Variants in OR2L13 observed in about 807,000 individuals in gnomAD.
OR2L13 encodes olfactory receptor family 2 subfamily L member 13.
OR2L13 carries 14 observed loss-of-function variants against 15.3 expected under a neutral mutation model. That is an observed-to-expected ratio of 0.91 (90% CI 0.60 to 1.43). The LOEUF (loss-of-function observed/expected upper bound fraction) is 1.43, where lower values mean the gene tolerates loss of function less well. Among genes scored for constraint, OR2L13 ranks in the 40% most tolerant of loss-of-function variants. The pLI, the probability that OR2L13 is intolerant of heterozygous loss-of-function variation, is 0.00. For missense variants in OR2L13, 367 were observed against 387.9 expected, an observed-to-expected ratio of 0.95 and a Z score of 0.45; for synonymous variants, 152 against 142.9, an observed-to-expected ratio of 1.06 and a Z score of -0.45.
chr1:248,039,208 C>T, the OR2L13 span: 16 of 1,601,362 alleles, frequency 1.0e-5, no homozygotes, highest in Non-Finnish European at 1.4e-5. Context: ...AAAATGTAGA[C>T]ATACGTTCTG....
chr1:247,976,141 G>A, the OR2L13 span, among the ~76,000 whole-genome samples: 1 of 152,110 alleles, frequency 6.6e-6, no homozygotes, highest in East Asian at 1.9e-4. Context: ...TATTTTTGGG[G>A]ATAAGCCAAT....
chr1:247,949,110 C>T, the OR2L13 span: 1 of 1,613,994 alleles, frequency 6.2e-7, no homozygotes, highest in Non-Finnish European at 8.5e-7. Flanking sequence ...ATCTGATTTT[C>T]TGCATGGAAA....
chr1:248,095,513 G>C (rs1664711698), upstream of OR2L13, among the ~76,000 whole-genome samples: 3 of 151,402 alleles, frequency 2.0e-5, no homozygotes, highest in Admixed American at 2.0e-4. Context: ...GTTATTGATA[G>C]CCTGATATAC....
chr1:248,031,200 A>C, the OR2L13 span, among the ~76,000 whole-genome samples: 1 of 152,232 alleles, frequency 6.6e-6, no homozygotes, highest in Non-Finnish European at 1.5e-5. Flanking sequence ...AAACAGATAT[A>C]TAATGGCTGA....
the OR2L13 span, among the ~76,000 whole-genome samples, chr1:247,963,340 A>G: frequency 6.6e-6 from 1 of 152,070 alleles, no homozygotes; most frequent in African/African-American, 2.4e-5. Flanking sequence ...TGCTGGTGGG[A>G]GTTTCCTTTG....
At chr1:247,989,466 T>A in the OR2L13 span, among the ~76,000 whole-genome samples, 2 of 152,198 alleles carry the variant, frequency 1.3e-5, no homozygotes, top group Admixed American at 1.3e-4. Context: ...CTTGATGACA[T>A]CTGAGTTTGT....
the OR2L13 span, among the ~76,000 whole-genome samples, chr1:248,057,164 C>A: frequency 6.6e-6 from 1 of 152,134 alleles, no homozygotes; most frequent in Non-Finnish European, 1.5e-5. Context: ...TCCACATGAT[C>A]TAGAGCTGAG....
the OR2L13 span, among the ~76,000 whole-genome samples, chr1:248,054,382 G>A: frequency 7.2e-5 from 11 of 151,986 alleles, no homozygotes; most frequent in African/African-American, 1.4e-4. Context: ...GTTTGCAGTC[G>A]GGTAGCCTGA....
chr1:248,085,436 T>TAAAATAAAATAAAATAAAATAA, the OR2L13 span, among the ~76,000 whole-genome samples: 4,223 of 84,418 alleles, frequency 0.05, 687 homozygotes, highest in Middle Eastern at 0.093. Flanking sequence ...TAAAATAAAA[T>TAAAATAAAATAAAATAAAATAA]AATAAAATAA....
chr1:248,013,854 T>G, the OR2L13 span: 1 of 152,164 alleles, frequency 6.6e-6, no homozygotes, highest in Non-Finnish European at 1.5e-5. Flanking sequence ...GCACTAGTAA[T>G]TGTACTTTCT....
At chr1:248,017,091 T>C in the OR2L13 span, among the ~76,000 whole-genome samples, 1 of 152,214 alleles carries the variant, frequency 6.6e-6, no homozygotes, top group Non-Finnish European at 1.5e-5. Context: ...ATCGGAATCT[T>C]TTCTCCTTGC....
At chr1:248,078,841 A>T in the OR2L13 span, among the ~76,000 whole-genome samples, 2 of 150,862 alleles carry the variant, frequency 1.3e-5, no homozygotes, top group Non-Finnish European at 2.9e-5. Flanking sequence ...GCTCAAGGGC[A>T]TTGTACTTTG....
At chr1:247,980,870 A>AT in the OR2L13 span, 1 of 152,196 alleles carries the variant, frequency 6.6e-6, no homozygotes, top group Non-Finnish European at 1.5e-5. Flanking sequence ...TGTTCATATG[A>AT]TGCCTGTACG....
chr1:248,061,388 C>G, the OR2L13 span: 4 of 1,614,098 alleles, frequency 2.5e-6, no homozygotes, highest in East Asian at 2.2e-5. Flanking sequence ...AGGAAGAAAG[C>G]CTACCTGACC....
chr1:248,073,473 T>C, the OR2L13 span, among the ~76,000 whole-genome samples: 3 of 151,546 alleles, frequency 2.0e-5, no homozygotes, highest in Admixed American at 6.6e-5. Context: ...CTGAGGACTG[T>C]TGTGGGGTGG....
At chr1:248,026,657 A>T in the OR2L13 span, among the ~76,000 whole-genome samples, 1 of 152,150 alleles carries the variant, frequency 6.6e-6, no homozygotes, top group Admixed American at 6.5e-5. Flanking sequence ...AATTGTGAAG[A>T]TTTCATGGAC....
the OR2L13 span, among the ~76,000 whole-genome samples, chr1:248,036,075 G>A: frequency 6.6e-6 from 1 of 152,216 alleles, no homozygotes; most frequent in Middle Eastern, 3.4e-3. Context: ...CTTACTTTGT[G>A]ATTTTACATG....
At chr1:248,042,504 A>T in the OR2L13 span, among the ~76,000 whole-genome samples, 1 of 152,106 alleles carries the variant, frequency 6.6e-6, no homozygotes, top group Admixed American at 6.5e-5. Context: ...TTAAAGTACA[A>T]TAATAAAAAA....
chr1:248,068,184 G>T, the OR2L13 span, among the ~76,000 whole-genome samples: 4 of 152,188 alleles, frequency 2.6e-5, no homozygotes, highest in African/African-American at 7.2e-5. Flanking sequence ...AGAAAGGGCA[G>T]ACTGCCTCCT....
Sources: allele counts gnomAD v4.1 joint callset (sites outside exome capture counted in the v4.1 genomes callset), GRCh38; gene constraint gnomAD v4.1.1; transcripts MANE v1.5; gene names NCBI Gene and HGNC (gene_info 2026-07-23, HGNC 2026-07-21).